Variants in DNAAF11 observed in about 807,000 individuals in gnomAD.
DNAAF11 encodes leucine rich repeat containing 6.
In DNAAF11, 45 loss-of-function variants were observed where a neutral mutation model predicts 60.8. The observed-to-expected ratio is 0.74, with a 90% CI of 0.58 to 0.95. The LOEUF is 0.95. Among genes scored for constraint, DNAAF11 ranks in the 40% least tolerant of loss-of-function variants. DNAAF11 has a pLI of 0.00. For missense variants in DNAAF11, 546 were observed against 546.2 expected (o/e 1.00, Z 0.00); for synonymous variants, 191 against 183.5 (o/e 1.04, Z -0.33).
chr8:132,608,567 A>G (rs1470356007), intron 10 of DNAAF11: 3 of 418,958 alleles, frequency 7.2e-6, no homozygotes, highest in Non-Finnish European at 1.5e-5. Flanking sequence ...CAAAAGATAC[A>G]CAAATCATCT....
chr8:132,604,712 TGGAATGAAG>T (rs1341483266), intron 10 of DNAAF11, among the ~76,000 whole-genome samples: 1 of 152,090 alleles, frequency 6.6e-6, no homozygotes, highest in East Asian at 1.9e-4. Context: ...TTAAAGAACT[TGGAATGAAG>T]GCCAGACATA....
chr8:132,611,568 C>A (rs530098115), intron 8 of DNAAF11, among the ~76,000 whole-genome samples: 1 of 152,154 alleles, frequency 6.6e-6, no homozygotes, highest in Non-Finnish European at 1.5e-5. Flanking sequence ...TTTAGACCCA[C>A]AAGTATACTT....
upstream of DNAAF11, among the ~76,000 whole-genome samples, chr8:132,676,596 C>T (rs538309735): frequency 1.6e-4 from 24 of 151,486 alleles, no homozygotes; most frequent in Non-Finnish European, 3.4e-4. Context: ...ATTTTTCTAG[C>T]GAATAGCTGT....
intron 7 of DNAAF11, among the ~76,000 whole-genome samples, chr8:132,616,746 G>C (rs1819201533): frequency 6.6e-6 from 1 of 152,190 alleles, no homozygotes; most frequent in Non-Finnish European, 1.5e-5. Flanking sequence ...GCCACAAAGT[G>C]AAACCAGCAC....
the DNAAF11 span, among the ~76,000 whole-genome samples, chr8:132,691,918 G>A: frequency 2.4e-4 from 37 of 152,290 alleles, no homozygotes; most frequent in African/African-American, 5.5e-4. Flanking sequence ...AGCAGACCAC[G>A]TGGGAGATGC....
chr8:132,660,499 C>T (rs1824027891), intron 2 of DNAAF11, among the ~76,000 whole-genome samples: 1 of 152,168 alleles, frequency 6.6e-6, no homozygotes, highest in Non-Finnish European at 1.5e-5. Flanking sequence ...TTACCTGATG[C>T]CAGAGCCTGT....
chr8:132,682,067 A>T, the DNAAF11 span, among the ~76,000 whole-genome samples: 2 of 152,216 alleles, frequency 1.3e-5, no homozygotes, highest in Non-Finnish European at 2.9e-5. Flanking sequence ...TTAAAACATG[A>T]CAACAAATTA....
intron 1 of DNAAF11, among the ~76,000 whole-genome samples, chr8:132,668,539 C>T (rs549397569): frequency 3.3e-5 from 5 of 152,118 alleles, no homozygotes; most frequent in Admixed American, 6.5e-5. Context: ...CCCGGGTTCA[C>T]GCCATTCTCC....
the DNAAF11 span, among the ~76,000 whole-genome samples, chr8:132,693,212 GA>G: frequency 1.3e-5 from 2 of 152,008 alleles, no homozygotes; most frequent in South Asian, 2.1e-4. Flanking sequence ...CATGGGAGAT[GA>G]AAAAAAGCCA....
the DNAAF11 span, chr8:132,687,708 G>A: frequency 2.2e-6 from 1 of 456,170 alleles, no homozygotes; most frequent in South Asian, 1.5e-5. Context: ...CTTGCCCAAG[G>A]TAAGAGCTCA....
intron 1 of DNAAF11, among the ~76,000 whole-genome samples, chr8:132,674,121 G>GA (rs1825480631): frequency 2.0e-5 from 2 of 99,582 alleles, no homozygotes; most frequent in Admixed American, 9.2e-5. Flanking sequence ...GCAGGAGGAG[G>GA]AGGAGGAGGA....
chr8:132,660,869 G>T (rs907572010), intron 2 of DNAAF11, among the ~76,000 whole-genome samples: 8 of 152,122 alleles, frequency 5.3e-5, no homozygotes, highest in African/African-American at 1.9e-4. Flanking sequence ...GGCAATATTA[G>T]CAAGCCCACT....
At chr8:132,643,914 A>G (rs1163779804) in intron 3 of DNAAF11, among the ~76,000 whole-genome samples, 1 of 152,214 alleles carries the variant, frequency 6.6e-6, no homozygotes, top group Non-Finnish European at 1.5e-5. Context: ...CTAAAAATAT[A>G]AATTGTGTAA....
chr8:132,671,722 T>C (rs1397163429), intron 1 of DNAAF11, among the ~76,000 whole-genome samples: 2 of 151,820 alleles, frequency 1.3e-5, no homozygotes, highest in East Asian at 1.9e-4. Context: ...AACACACATA[T>C]ACAAGCCACT....
rs527926539 is a variant in DNAAF11, at chr8:132,675,490, C to G, written c.4G>C (p.Gly2Arg). 6.4e-7 allele frequency: 1 copy of G among 1,568,104 alleles called. No individual in the cohort carries two copies. The highest frequency in any genetic ancestry group is 8.7e-7 in the Non-Finnish European group (1 of 1,153,912). Residue 2 changes from glycine (G) to arginine (R), a missense_variant, in exon 1 of 12, where the codon GGC becomes CGC. Gly to Arg is a moderately radical substitution (Grantham distance 125). Transcript: ENST00000620350. M[G>R]WITEDLIRRN... ...AAGGTGGAGGGGGGCTTACTCCAGCCCATGGCGCCTCTCCAGTTCGCTGAC... is the reference window on the plus strand; with the variant it reads ...AAGGTGGAGGGGGGCTTACTCCAGCGCATGGCGCCTCTCCAGTTCGCTGAC...
chr8:132,696,624 T>G, the DNAAF11 span, among the ~76,000 whole-genome samples: 14 of 152,284 alleles, frequency 9.2e-5, no homozygotes, highest in Non-Finnish European at 2.1e-4. Flanking sequence ...TGGGTATGCC[T>G]TGAAAACATT....
At chr8:132,622,779 AAC>A in intron 6 of DNAAF11, 91 bp from the exon 7 acceptor site, 1 of 897,162 alleles carries the variant, frequency 1.1e-6, no homozygotes, top group Non-Finnish European at 1.8e-6. Context: ...ATTTTTGTGA[AAC>A]AGTTTTAAAA....
At position 132,570,662 on chromosome 8, in the gene DNAAF11, C is replaced by T. The variant is rs1814095322; in HGVS notation, c.*1644G>A. On this transcript the variant is annotated 3_prime_UTR_variant, in exon 12 of 12. Transcript: ENST00000620350. ...CATGAAGAAAGGTGTTATACTCAGT[C>T]ATTGCCATCAGTCGCAGTGATGGAC... 6.6e-6 allele frequency among the ~76,000 whole-genome samples: 1 copy of T among 152,148 alleles called. No homozygotes were observed. The highest frequency in any genetic ancestry group is 6.5e-5 in the Admixed American group (1 of 15,286).
chr8:132,657,056 TCAGACA>T (rs1823649627), intron 2 of DNAAF11, 149 bp from the exon 3 acceptor site: 1 of 455,736 alleles, frequency 2.2e-6, no homozygotes, highest in African/African-American at 2.1e-5. Flanking sequence ...TACCTGTACA[TCAGACA>T]CGGTGGCTGC....
Sources: gnomAD v4.1 joint callset for allele counts (sites outside exome capture counted in the v4.1 genomes callset) on GRCh38, gnomAD v4.1.1 for gene constraint, MANE v1.5 for transcripts, NCBI Gene and HGNC (gene_info 2026-07-23, HGNC 2026-07-21) for gene names.